The following SLC23A2 variants were observed in gnomAD, a reference collection of about 807,000 sequenced individuals.
SLC23A2 encodes Na(+)/L-ascorbic acid transporter 2.
Under a neutral mutation model 73.3 loss-of-function variants are expected in SLC23A2, and 36 were observed. The ratio of observed to expected loss-of-function variants is 0.49; its 90% CI spans 0.38 to 0.65. SLC23A2 has a LOEUF of 0.65. SLC23A2 is among the 30% of genes least tolerant of loss of function. The pLI is 0.00. For synonymous variants in SLC23A2, 343 were observed against 327.3 expected (o/e 1.05, Z -0.52); for missense variants, 507 against 841.6 (o/e 0.60, Z 4.92).
chr20:5,006,093 T>C (rs2088188006), upstream of SLC23A2, among the ~76,000 whole-genome samples: 2 of 152,152 alleles, frequency 1.3e-5, no homozygotes, highest in South Asian at 4.1e-4. Context: ...ATATATTTTT[T>C]TGTTTGTTTT....
intron 2 of SLC23A2, among the ~76,000 whole-genome samples, chr20:4,948,103 G>A (rs1277536849): frequency 6.6e-6 from 1 of 152,198 alleles, no homozygotes; most frequent in Non-Finnish European, 1.5e-5. Flanking sequence ...TGTTGCCAGA[G>A]CTGCCCCTGC....
At chr20:4,877,891 C>T (rs886232945) in intron 9 of SLC23A2, among the ~76,000 whole-genome samples, 1 of 152,240 alleles carries the variant, frequency 6.6e-6, no homozygotes, top group African/African-American at 2.4e-5. Flanking sequence ...GCCGCACTAA[C>T]CTTCCCTGAG....
chr20:4,940,304 G>T (rs1298232347), intron 2 of SLC23A2, among the ~76,000 whole-genome samples: 3 of 152,008 alleles, frequency 2.0e-5, no homozygotes, highest in African/African-American at 7.3e-5. Context: ...GGCAGAGTGA[G>T]ACCCCATCTC....
At chr20:4,889,595 A>G (rs903565808) in intron 6 of SLC23A2, among the ~76,000 whole-genome samples, 9 of 151,224 alleles carry the variant, frequency 6.0e-5, no homozygotes, top group Non-Finnish European at 1.2e-4. Context: ...ATCCGCTCAC[A>G]TGACGAGCCA....
At chr20:4,994,539 C>T (rs1294017540) in intron 1 of SLC23A2, among the ~76,000 whole-genome samples, 1 of 152,068 alleles carries the variant, frequency 6.6e-6, no homozygotes, top group African/African-American at 2.4e-5. Context: ...AATCTCAGCA[C>T]TTTGGGAGGC....
intron 1 of SLC23A2, among the ~76,000 whole-genome samples, chr20:4,984,573 G>C (rs184179123): frequency 6.6e-6 from 1 of 151,476 alleles, no homozygotes; most frequent in East Asian, 1.9e-4. Flanking sequence ...AAAAAGACCC[G>C]GTCTCAAATA....
rs773057965 is a variant in SLC23A2 at position 4,883,842 on chromosome 20, C to A, written c.643-19G>T. ...CCTGGATCTGCAACAAGAGATGGCA[C>A]AGACATGAGAGTGAGCTGCTTGTAC... On this transcript the variant is annotated intron_variant, in intron 8 of 16. Transcript: ENST00000338244. This position sits in a 1 kb window ranked among gnomAD's most constrained non-coding sequence, Gnocchi z 4.5. 2 of 1,588,420 alleles carry A rather than the reference C, an allele frequency of 1.3e-6. No individual in the cohort carries two copies. Among genetic ancestry groups the A allele is most frequent in the Non-Finnish European group, 1.7e-6 (2 of 1,164,614 alleles).
Position 4,853,872 on chromosome 20 carries a change from T to A in SLC23A2, c.*3100A>T, listed in dbSNP as rs1929616667. 6.6e-6 allele frequency: 1 copy of A among 152,232 alleles called. No homozygotes were observed. Among genetic ancestry groups the A allele is most frequent in the Non-Finnish European group, 1.5e-5 (1 of 68,040 alleles). The allele number at this position is 152,232 out of a possible 1,614,324, so 9.4% of individuals were successfully genotyped here. Reference sequence around the variant, plus strand: ...TTCTGAAAGTAAATGTATCTGTGAATCTACATTTAACTTCCTAATGAGAAT... The same window carrying A: ...TTCTGAAAGTAAATGTATCTGTGAAACTACATTTAACTTCCTAATGAGAAT... On this transcript the variant is annotated 3_prime_UTR_variant, in exon 17 of 17. Transcript: ENST00000338244.
chr20:4,888,298 G>A (rs765443274), intron 6 of SLC23A2, among the ~76,000 whole-genome samples: 5 of 152,206 alleles, frequency 3.3e-5, no homozygotes, highest in Non-Finnish European at 5.9e-5. Flanking sequence ...ACGCTATCAC[G>A]GTGGAGCTCA....
intron 12 of SLC23A2, chr20:4,869,100 G>C (rs1201477579): frequency 1.3e-5 from 2 of 152,086 alleles, no homozygotes; most frequent in African/African-American, 2.4e-5. Flanking sequence ...GATTGGGTGG[G>C]GAAACAGGGA....
At chr20:4,874,526 A>G (rs199699570) in intron 10 of SLC23A2, 50 bp downstream of exon 10, 1 of 1,552,378 alleles carries the variant, frequency 6.4e-7, no homozygotes, top group Non-Finnish European at 8.7e-7. Context: ...ATCATCTTAC[A>G]TATTAACCAA....
rs1426356362 is a variant in SLC23A2, at chr20:4,947,572, C to T, written c.-154-14856G>A. ...ATAATGAACTATCAAGTCCCAGGCA[C>T]AAACATGGTTTCACTTAGCCCTTAT... On this transcript the variant is annotated intron_variant, in intron 2 of 16. Coordinates refer to ENST00000338244, the MANE Select transcript of SLC23A2 (RefSeq NM_005116.6). The surrounding 1 kb of genome is among the most constrained non-coding windows in gnomAD (Gnocchi z 4.4). Among the ~76,000 whole-genome samples, 1 of 152,174 alleles carries T rather than the reference C, an allele frequency of 6.6e-6. No individual in the cohort carries two copies. The highest frequency in any genetic ancestry group is 1.5e-5 in the Non-Finnish European group (1 of 68,038).
intron 1 of SLC23A2, among the ~76,000 whole-genome samples, chr20:4,992,503 GTTTT>G (rs140932210): frequency 8.4e-5 from 8 of 95,718 alleles, no homozygotes; most frequent in Admixed American, 2.3e-4. Flanking sequence ...AAGATTGACA[GTTTT>G]TTTTTTTTTT....
intron 2 of SLC23A2, among the ~76,000 whole-genome samples, chr20:4,965,592 C>G (rs1439178298): frequency 6.6e-6 from 1 of 151,744 alleles, no homozygotes; most frequent in Non-Finnish European, 1.5e-5. Flanking sequence ...GGTAACACAG[C>G]AAAACCCCGT....
At chr20:4,925,016 C>G (rs1396894605) in intron 3 of SLC23A2, among the ~76,000 whole-genome samples, 3 of 138,558 alleles carry the variant, frequency 2.2e-5, no homozygotes, top group African/African-American at 7.9e-5. Flanking sequence ...CTTGTCTCTA[C>G]AAAAAAAAAA....
chr20:4,902,492 T>C lies in SLC23A2; in HGVS notation c.274A>G (p.Thr92Ala), dbSNP rs1435251888. Residue 92 changes from threonine to alanine, a missense_variant, in exon 5 of 17, where the codon ACC becomes GCC. Transcript: ENST00000338244. This position sits in a 1 kb window ranked among gnomAD's most constrained non-coding sequence, Gnocchi z 4.0. ...TACCAGGGAGGAACATCTTCTATGG[T>C]ATAAATCATGTCTGATCGCTGGGGG... ...LDPQRSDMIY[T>A]IEDVPPWYLC... 6.2e-7 allele frequency: 1 copy of C among 1,613,178 alleles called. No individual in the cohort carries two copies. The highest frequency in any genetic ancestry group is 8.5e-7 in the Non-Finnish European group (1 of 1,179,416).
chr20:4,928,365 A>G (rs978022888), intron 3 of SLC23A2, among the ~76,000 whole-genome samples: 6 of 152,214 alleles, frequency 3.9e-5, no homozygotes, highest in Non-Finnish European at 7.3e-5. Flanking sequence ...TAACAAAACT[A>G]TCCACAACCC....
intron 1 of SLC23A2, among the ~76,000 whole-genome samples, chr20:4,971,278 G>C (rs2087555877): frequency 6.6e-6 from 1 of 150,962 alleles, no homozygotes; most frequent in South Asian, 2.1e-4. Context: ...ACCAGCCTGA[G>C]CAATAGGGTG....
intron 6 of SLC23A2, among the ~76,000 whole-genome samples, chr20:4,893,110 G>T (rs1055982580): frequency 6.6e-6 from 1 of 151,658 alleles, no homozygotes; most frequent in Non-Finnish European, 1.5e-5. Context: ...TGTCTCCCAG[G>T]CTGGAATGCA....
Sources: allele counts gnomAD v4.1 joint callset (sites outside exome capture counted in the v4.1 genomes callset), GRCh38; gene constraint gnomAD v4.1.1; non-coding constraint Gnocchi (gnomAD v3.1); transcripts MANE v1.5; gene names NCBI Gene and HGNC (gene_info 2026-07-23, HGNC 2026-07-21).